The following RANBP2 variants were observed in gnomAD, a reference collection of about 807,000 sequenced individuals.
RANBP2 encodes E3 SUMO-protein ligase RanBP2.
Under a neutral mutation model 303.6 loss-of-function variants are expected in RANBP2, and 57 were observed. That is an observed-to-expected ratio of 0.19 (90% CI 0.15 to 0.23). The LOEUF is 0.23. Ranked by LOEUF, RANBP2 falls within the 10% of genes least tolerant of loss-of-function variation. RANBP2 has a pLI of 1.00. For missense variants in RANBP2, 3,138 were observed against 3,780.8 expected (o/e 0.83, Z 4.46); for synonymous variants, 1,167 against 1,301.5 (o/e 0.90, Z 2.23).
At chr2:109,726,178 G>A in the RANBP2 span, among the ~76,000 whole-genome samples, 3 of 150,672 alleles carry the variant, frequency 2.0e-5, no homozygotes, top group Admixed American at 6.6e-5. Context: ...GGAGGCTGAC[G>A]CAGGCGGATC....
intron 18 of RANBP2, among the ~76,000 whole-genome samples, chr2:108,759,123 G>A (rs1362237390): frequency 4.6e-5 from 7 of 151,474 alleles, no homozygotes; most frequent in East Asian, 1.9e-4. Context: ...GCAGGTGGGC[G>A]TGGGTGTGTA....
chr2:109,378,010 G>A, the RANBP2 span, among the ~76,000 whole-genome samples: 7 of 152,246 alleles, frequency 4.6e-5, no homozygotes, highest in East Asian at 5.8e-4. Flanking sequence ...CAGCTCCGCC[G>A]TGTTGGATTT....
the RANBP2 span, among the ~76,000 whole-genome samples, chr2:109,297,731 C>T: frequency 2.0e-5 from 3 of 151,746 alleles, no homozygotes; most frequent in African/African-American, 7.3e-5. Flanking sequence ...GTCCGTGCCT[C>T]CCACCAGGAC....
At chr2:109,509,485 T>C in the RANBP2 span, among the ~76,000 whole-genome samples, 1 of 152,142 alleles carries the variant, frequency 6.6e-6, no homozygotes, top group Non-Finnish European at 1.5e-5. Context: ...CTCCTCACTC[T>C]GTCAAGCAGC....
the RANBP2 span, among the ~76,000 whole-genome samples, chr2:109,104,200 A>G: frequency 6.4e-3 from 967 of 152,262 alleles, 14 homozygotes; most frequent in African/African-American, 0.023. Context: ...GATTTCCTTC[A>G]GGGCCTGCTA....
At chr2:109,609,857 T>G in the RANBP2 span, among the ~76,000 whole-genome samples, 1 of 152,138 alleles carries the variant, frequency 6.6e-6, no homozygotes, top group African/African-American at 2.4e-5. Flanking sequence ...TGGAAAATTA[T>G]GGCTGTGTTT....
At chr2:109,379,762 A>G in the RANBP2 span, among the ~76,000 whole-genome samples, 1 of 152,100 alleles carries the variant, frequency 6.6e-6, no homozygotes, top group Non-Finnish European at 1.5e-5. Flanking sequence ...AACACTTTGT[A>G]AAGCCCTCCT....
chr2:109,202,301 G>A, the RANBP2 span, among the ~76,000 whole-genome samples: 39,950 of 151,972 alleles, frequency 0.26, 5,646 homozygotes, highest in East Asian at 0.49. Context: ...GGACCCCCTC[G>A]GAGGGGAGCG....
In RANBP2 at chr2:108,749,031, G is replaced by A. The variant is rs747377255; in HGVS notation, c.1175G>A (p.Ser392Asn). 1 of 1,611,888 alleles carries A rather than the reference G, an allele frequency of 6.2e-7. No homozygotes were observed. The highest frequency in any genetic ancestry group is 8.5e-7 in the Non-Finnish European group (1 of 1,179,850). ...GCATTATATGATGCTCTGTTTTCTA[G>A]TCAGTCACCTAAGGATACATCTTTT... ...QSALYDALFSSQSPKDTSFLG... is the reference protein window; with the variant it reads ...QSALYDALFSNQSPKDTSFLG... Residue 392 changes from serine (S) to asparagine (N), a missense_variant, in exon 9 of 29, where the codon AGT (serine) becomes AAT (asparagine). Transcript: ENST00000283195.
chr2:109,590,699 G>A, the RANBP2 span, among the ~76,000 whole-genome samples: 7 of 152,172 alleles, frequency 4.6e-5, no homozygotes, highest in African/African-American at 9.7e-5. Context: ...AAAGTGCTAG[G>A]ATTACAGGTG....
the RANBP2 span, among the ~76,000 whole-genome samples, chr2:109,012,402 T>A: frequency 1.3e-5 from 2 of 152,286 alleles, no homozygotes; most frequent in South Asian, 2.1e-4. Flanking sequence ...TCCTTCGGTC[T>A]TGAGAGCCCC....
the RANBP2 span, among the ~76,000 whole-genome samples, chr2:109,462,912 A>T: frequency 2.6e-5 from 4 of 152,224 alleles, no homozygotes; most frequent in African/African-American, 9.6e-5. Context: ...GTCAGTTCAG[A>T]TCCAGTGTCC....
At chr2:108,969,467 G>A in the RANBP2 span, among the ~76,000 whole-genome samples, 1 of 152,186 alleles carries the variant, frequency 6.6e-6, no homozygotes, top group South Asian at 2.1e-4. Flanking sequence ...ACCATGCCAG[G>A]CCTCCAAAGG....
At chr2:109,523,432 G>T in the RANBP2 span, among the ~76,000 whole-genome samples, 1 of 152,180 alleles carries the variant, frequency 6.6e-6, no homozygotes, top group Non-Finnish European at 1.5e-5. Flanking sequence ...ACTAGGTGAT[G>T]CTGCACCTGC....
chr2:108,883,005 GTCT>G, the RANBP2 span: 1 of 152,112 alleles, frequency 6.6e-6, no homozygotes, highest in African/African-American at 2.4e-5. Context: ...AAAAGACCTT[GTCT>G]TCTTTATATA....
At chr2:109,069,300 T>G in the RANBP2 span, among the ~76,000 whole-genome samples, 1 of 152,220 alleles carries the variant, frequency 6.6e-6, no homozygotes, top group Non-Finnish European at 1.5e-5. Context: ...TCCCAGATGT[T>G]TGATTTGGAC....
At chr2:109,434,721 C>G in the RANBP2 span, among the ~76,000 whole-genome samples, 3 of 152,244 alleles carry the variant, frequency 2.0e-5, no homozygotes, top group African/African-American at 7.2e-5. Context: ...AAGCAGCCCA[C>G]TGGCAAGTTC....
chr2:109,370,111 A>T, the RANBP2 span, among the ~76,000 whole-genome samples: 1 of 152,078 alleles, frequency 6.6e-6, no homozygotes, highest in African/African-American at 2.4e-5. Flanking sequence ...CGAAGGAGGG[A>T]TGGTTCCGGA....
At chr2:109,397,412 A>G in the RANBP2 span, among the ~76,000 whole-genome samples, 69 of 152,264 alleles carry the variant, frequency 4.5e-4, no homozygotes, top group Admixed American at 6.5e-4. Flanking sequence ...TGATTCTAGT[A>G]TCATAGTTTC....
Sources: gnomAD v4.1 joint callset for allele counts (sites outside exome capture counted in the v4.1 genomes callset) on GRCh38, gnomAD v4.1.1 for gene constraint, MANE v1.5 for transcripts, NCBI Gene and HGNC (gene_info 2026-07-23, HGNC 2026-07-21) for gene names.